GRID2: variants seen among roughly 807,000 people sequenced by gnomAD.
The protein encoded by GRID2 is glutamate ionotropic receptor delta type subunit 2, also known as glutamate receptor ionotropic, delta-2.
Under a neutral mutation model 114.8 loss-of-function variants are expected in GRID2, and 33 were observed. The ratio of observed to expected loss-of-function variants is 0.29; its 90% confidence interval spans 0.22 to 0.38. GRID2 has a LOEUF of 0.38. Ranked by LOEUF, GRID2 falls within the 10% of genes least tolerant of loss-of-function variation. The probability of loss-of-function intolerance (pLI) is 1.00; values close to 1 mark genes in which losing one functional copy is unlikely to be tolerated. For missense variants in GRID2, 1,184 were observed against 1,257.7 expected, an observed-to-expected ratio of 0.94 and a Z score of 0.89; for synonymous variants, 505 against 449.9, an observed-to-expected ratio of 1.12 and a Z score of -1.55.
At chr4:93,196,203 A>C (rs1741474806) in intron 4 of GRID2, among the ~76,000 whole-genome samples, 1 of 152,174 alleles carries the variant, frequency 6.6e-6, no homozygotes, top group African/African-American at 2.4e-5. Context: ...GTAGGCCACA[A>C]AGCTGCCTTT....
intron 2 of GRID2, among the ~76,000 whole-genome samples, chr4:92,618,382 G>A (rs1463196407): frequency 6.6e-6 from 1 of 151,538 alleles, no homozygotes; most frequent in East Asian, 1.9e-4. Flanking sequence ...CTGTTCTTAC[G>A]AAAGCACCCT....
chr4:92,537,437 T>A (rs1725697430), intron 1 of GRID2, among the ~76,000 whole-genome samples: 1 of 152,190 alleles, frequency 6.6e-6, no homozygotes, highest in Non-Finnish European at 1.5e-5. Flanking sequence ...TTAGCTACAG[T>A]GGTAAAATAG....
chr4:93,120,294 A>C (rs10008057), intron 4 of GRID2, among the ~76,000 whole-genome samples: 60,834 of 151,954 alleles, frequency 0.4, 12,538 homozygotes, highest in Admixed American at 0.55. Flanking sequence ...ACACATGCAC[A>C]CGGATGTTTC....
chr4:93,111,766 T>TTTTTG (rs1732788709), intron 4 of GRID2, among the ~76,000 whole-genome samples: 1 of 150,318 alleles, frequency 6.7e-6, no homozygotes, highest in Non-Finnish European at 1.5e-5. Flanking sequence ...TTTTTTTTTT[T>TTTTTG]GCCTCATTTC....
chr4:92,725,042 T>G (rs1368282111), intron 2 of GRID2, among the ~76,000 whole-genome samples: 1 of 152,154 alleles, frequency 6.6e-6, no homozygotes, highest in African/African-American at 2.4e-5. Context: ...GGTTCATGTC[T>G]GTAATCCCAG....
intron 9 of GRID2, among the ~76,000 whole-genome samples, chr4:93,400,099 G>A (rs748573543): frequency 2.0e-5 from 3 of 152,034 alleles, no homozygotes; most frequent in Admixed American, 6.6e-5. Context: ...CAAGATCAGA[G>A]ATCCTGGTTC....
chr4:92,692,704 T>C (rs138715411), intron 2 of GRID2, among the ~76,000 whole-genome samples: 237 of 152,256 alleles, frequency 1.6e-3, no homozygotes, highest in African/African-American at 5.3e-3. Flanking sequence ...ATTTTAGAAC[T>C]AGACTGTGTG....
chr4:92,655,152 T>G (rs1732164984), intron 2 of GRID2, among the ~76,000 whole-genome samples: 1 of 152,048 alleles, frequency 6.6e-6, no homozygotes, highest in Admixed American at 6.6e-5. Context: ...GAAGGTGTTC[T>G]TTTTCCAATG....
chr4:92,399,462 A>G (rs1401560994), intron 1 of GRID2, among the ~76,000 whole-genome samples: 1 of 152,200 alleles, frequency 6.6e-6, no homozygotes, highest in Non-Finnish European at 1.5e-5. Flanking sequence ...TCGAAAGATG[A>G]TAATTGTAAG....
chr4:93,097,634 C>A (rs370513856), intron 3 of GRID2, among the ~76,000 whole-genome samples: 1 of 151,786 alleles, frequency 6.6e-6, no homozygotes, highest in Non-Finnish European at 1.5e-5. Flanking sequence ...CAGCTTTGTT[C>A]CTTGATGAGG....
chr4:93,549,769 A>G (rs1293739258), intron 13 of GRID2, among the ~76,000 whole-genome samples: 1 of 152,248 alleles, frequency 6.6e-6, no homozygotes, highest in South Asian at 2.1e-4. Context: ...TAAGGAAACC[A>G]AATGTGTCAG....
At chr4:93,290,733 G>A (rs896485307) in intron 8 of GRID2, among the ~76,000 whole-genome samples, 8 of 151,314 alleles carry the variant, frequency 5.3e-5, no homozygotes, top group Admixed American at 1.3e-4. Flanking sequence ...CTTATTCTTG[G>A]CTTCTATCTT....
rs1481872952 is a variant in GRID2 at position 93,087,234 on chromosome 4, G to T, written c.529+1955G>T. 2.6e-5 allele frequency among the ~76,000 whole-genome samples: 4 copies of T among 151,820 alleles called. No homozygotes were observed. The East Asian group carries it at 5.8e-4, about 22-fold the overall frequency. ...TTTTTGTATTTTTAGTAGAGATGGG[G>T]TTTCAACGTGTTAGCCAGGATGGTC... On this transcript the variant is annotated intron_variant, in intron 3 of 15. Transcript: ENST00000282020.
intron 2 of GRID2, among the ~76,000 whole-genome samples, chr4:93,058,865 T>C (rs1324153746): frequency 6.6e-6 from 1 of 152,038 alleles, no homozygotes; most frequent in African/African-American, 2.4e-5. Context: ...GCAATTTCAG[T>C]ATATTAAAAT....
At chr4:92,578,726 A>ATCAATCAATCTG (rs2149200208) in intron 1 of GRID2, among the ~76,000 whole-genome samples, 1 of 113,110 alleles carries the variant, frequency 8.8e-6, no homozygotes, top group Admixed American at 8.5e-5. Flanking sequence ...TTATCTATCT[A>ATCAATCAATCTG]TCTATCAATC....
intron 2 of GRID2, among the ~76,000 whole-genome samples, chr4:92,846,715 C>A (rs1743351303): frequency 6.6e-6 from 1 of 152,068 alleles, no homozygotes; most frequent in Non-Finnish European, 1.5e-5. Context: ...GACGTGAATT[C>A]TTTACTCACC....
At chr4:92,356,520 T>C (rs1042850439) in intron 1 of GRID2, among the ~76,000 whole-genome samples, 2 of 151,654 alleles carry the variant, frequency 1.3e-5, no homozygotes, top group African/African-American at 2.4e-5. Context: ...ATATTACATA[T>C]ATGCTACATA....
chr4:92,515,312 A>G (rs1295230676), intron 1 of GRID2, among the ~76,000 whole-genome samples: 2 of 151,916 alleles, frequency 1.3e-5, no homozygotes, highest in African/African-American at 4.8e-5. Context: ...TGATCACTGT[A>G]GTGCCCGTCA....
chr4:93,468,156 G>A (rs765466837), intron 11 of GRID2, among the ~76,000 whole-genome samples: 19 of 152,104 alleles, frequency 1.2e-4, no homozygotes, highest in Non-Finnish European at 2.5e-4. Context: ...CATAAATTGA[G>A]AAAAGCATTT....
Sources: allele counts gnomAD v4.1 joint callset (sites outside exome capture counted in the v4.1 genomes callset), GRCh38; gene constraint gnomAD v4.1.1; transcripts MANE v1.5; gene names NCBI Gene and HGNC (gene_info 2026-07-23, HGNC 2026-07-21).